BCHE: variants seen among roughly 807,000 people sequenced by gnomAD.
The protein encoded by BCHE is cholinesterase.
In BCHE, 48 loss-of-function variants were observed where a neutral mutation model predicts 51.3. The ratio of observed to expected loss-of-function variants is 0.94; its 90% CI spans 0.74 to 1.19. The LOEUF is 1.19. BCHE is among the 50% of genes most tolerant of loss of function. The pLI is 0.00. For missense variants in BCHE, 847 were observed against 708.2 expected (o/e 1.20, Z -2.23); for synonymous variants, 251 against 238.0 (o/e 1.05, Z -0.50).
chr3:165,830,703 T>C lies in BCHE; in HGVS notation c.331A>G (p.Asn111Asp). ...TCTTCACTGAGGTCAGTGTTTGGGT[T>C]CCACATCTCTGATCCATGGAAGCCT... ...FPGFHGSEMW[N>D]PNTDLSEDCL... The change falls in exon 2 of 4, where the codon AAC becomes GAC. Residue 111 changes from asparagine to aspartate, a missense_variant. Physicochemically the swap from Asn to Asp is conservative, Grantham distance 23. Transcript: ENST00000264381. The C allele has an allele frequency of 6.2e-7, 1 of 1,614,050 alleles. No individual in the cohort carries two copies. The highest frequency in any genetic ancestry group is 8.5e-7 in the Non-Finnish European group (1 of 1,179,962).
intron 2 of BCHE, among the ~76,000 whole-genome samples, chr3:165,806,660 A>G (rs1024533287): frequency 2.6e-5 from 4 of 152,298 alleles, no homozygotes; most frequent in African/African-American, 9.6e-5. Flanking sequence ...ATCATCATTT[A>G]CATTCATAAT....
At chr3:165,810,949 C>A (rs73028226) in intron 2 of BCHE, among the ~76,000 whole-genome samples, 3,705 of 152,094 alleles carry the variant, frequency 0.024, 158 homozygotes, top group African/African-American at 0.085. Context: ...AACTAAAATA[C>A]GTAGTGGAGT....
chr3:165,781,748 A>C (rs1712712151), intron 3 of BCHE, among the ~76,000 whole-genome samples: 1 of 152,194 alleles, frequency 6.6e-6, no homozygotes, highest in Non-Finnish European at 1.5e-5. Flanking sequence ...CGCAGCACTT[A>C]AAGTAAAATA....
rs865783912 is a variant in BCHE, at chr3:165,772,966, C to G, written c.*416G>C. 1 of 152,890 alleles carries G rather than the reference C, an allele frequency of 6.5e-6. No individual in the cohort carries two copies. The highest frequency in any genetic ancestry group is 2.4e-5 in the African/African-American group (1 of 41,356). The allele number at this position is 152,890 out of a possible 1,614,324, so 9.5% of individuals were successfully genotyped here. A position where few individuals can be genotyped will look rare whatever the true frequency, so the allele number is the denominator to read the frequency against. ...TTCAATTCTTATTTTAATTAGGAAACATAATATTGTAAACTATGGTGTACA... is the reference window on the plus strand; with the variant it reads ...TTCAATTCTTATTTTAATTAGGAAAGATAATATTGTAAACTATGGTGTACA... On this transcript the variant is annotated 3_prime_UTR_variant, in exon 4 of 4. Transcript: ENST00000264381.
At chr3:165,786,701 A>T (rs565004326) in intron 2 of BCHE, among the ~76,000 whole-genome samples, 5 of 151,772 alleles carry the variant, frequency 3.3e-5, no homozygotes, top group Admixed American at 3.3e-4. Flanking sequence ...CATATCACTT[A>T]CTCATCTTTT....
intron 2 of BCHE, among the ~76,000 whole-genome samples, chr3:165,806,138 TA>T (rs201672026): frequency 9.4e-5 from 14 of 148,174 alleles, no homozygotes; most frequent in South Asian, 4.3e-4. Flanking sequence ...CCCCTCACAT[TA>T]AAAAAAAAAG....
At chr3:165,788,796 C>T (rs1027376416) in intron 2 of BCHE, among the ~76,000 whole-genome samples, 1 of 152,008 alleles carries the variant, frequency 6.6e-6, no homozygotes, top group African/African-American at 2.4e-5. Flanking sequence ...CAAACTTTGT[C>T]CTATGAAATA....
Position 165,806,913 on chromosome 3 carries a change from T to G in BCHE, c.1518-20602A>C, listed in dbSNP as rs562988650. Among the ~76,000 whole-genome samples the G allele has an allele frequency of 2.6e-5, 4 of 152,156 alleles. No individual in the cohort carries two copies. In the East Asian group the frequency reaches 7.7e-4, roughly 29 times the overall value. On this transcript the variant is annotated intron_variant, in intron 2 of 3. Transcript: ENST00000264381. ...GCATGACCAGAACACTATAATCTTA[T>G]AGAAACAATTATAAATCATGACACC... is the stretch of plus-strand genomic sequence containing the variant.
intron 2 of BCHE, among the ~76,000 whole-genome samples, chr3:165,789,891 T>C (rs1164814790): frequency 1.3e-5 from 2 of 152,170 alleles, no homozygotes; most frequent in Admixed American, 1.3e-4. Context: ...GGTAAGAGAT[T>C]CAACAAATAC....
At chr3:165,831,529 T>A (rs950554444) in intron 1 of BCHE, among the ~76,000 whole-genome samples, 2 of 152,208 alleles carry the variant, frequency 1.3e-5, no homozygotes, top group African/African-American at 4.8e-5. Flanking sequence ...GATCAATAGA[T>A]TGTCATTATT....
At chr3:165,782,232 T>A (rs1712734929) in intron 3 of BCHE, among the ~76,000 whole-genome samples, 1 of 152,120 alleles carries the variant, frequency 6.6e-6, no homozygotes, top group Non-Finnish European at 1.5e-5. Context: ...CTCAGTAATA[T>A]GAATGATTTT....
rs962126690 is a variant in BCHE, at chr3:165,830,357, C to A, written c.677G>T (p.Ser226Ile). The A allele has an allele frequency of 1.2e-6, 2 of 1,613,884 alleles. No individual in the cohort carries two copies. The highest frequency in any genetic ancestry group is 1.7e-5 in the Admixed American group (1 of 59,952). Reference sequence around the variant, plus strand: ...CAGGCTAACTGAAGCTGCTCCTGCACTTTCTCCAAAGAGAGTTACACTTTT... The same window carrying A: ...CAGGCTAACTGAAGCTGCTCCTGCAATTTCTCCAAAGAGAGTTACACTTTT... ...NPKSVTLFGE[S>I]AGAASVSLHL... Residue 226 changes from serine to isoleucine, a missense_variant, in exon 2 of 4, where the codon AGT (serine) becomes ATT (isoleucine). Ser to Ile is a moderately radical substitution (Grantham distance 142). Coordinates refer to ENST00000264381, the MANE Select transcript of BCHE (RefSeq NM_000055.4).
intron 2 of BCHE, among the ~76,000 whole-genome samples, chr3:165,792,174 C>T (rs994704243): frequency 6.6e-5 from 10 of 151,908 alleles, no homozygotes; most frequent in Non-Finnish European, 4.4e-5. Context: ...ATGTGACACA[C>T]ATTCCATGAT....
At chr3:165,820,337 A>G (rs1272672489) in intron 2 of BCHE, among the ~76,000 whole-genome samples, 1 of 152,050 alleles carries the variant, frequency 6.6e-6, no homozygotes, top group Non-Finnish European at 1.5e-5. Context: ...TTTCAAATAC[A>G]TTACACTAAT....
At chr3:165,773,826 A>G (rs1712351744) in intron 3 of BCHE, among the ~76,000 whole-genome samples, 2 of 152,138 alleles carry the variant, frequency 1.3e-5, no homozygotes, top group South Asian at 4.1e-4. Flanking sequence ...GGATATGTAG[A>G]TATTATGCTC....
At chr3:165,794,565 G>A (rs950418282) in intron 2 of BCHE, among the ~76,000 whole-genome samples, 1 of 152,160 alleles carries the variant, frequency 6.6e-6, no homozygotes, top group Non-Finnish European at 1.5e-5. Flanking sequence ...GTAGAAGGGA[G>A]AAGGGAGCTA....
At chr3:165,813,948 C>T (rs1331524580) in intron 2 of BCHE, among the ~76,000 whole-genome samples, 2 of 152,000 alleles carry the variant, frequency 1.3e-5, no homozygotes, top group African/African-American at 2.4e-5. Context: ...GAATATCTGA[C>T]GCCAAAGTTG....
intron 2 of BCHE, among the ~76,000 whole-genome samples, chr3:165,813,534 A>C (rs1311164390): frequency 6.6e-6 from 1 of 151,810 alleles, no homozygotes; most frequent in Non-Finnish European, 1.5e-5. Flanking sequence ...AATCTCATTG[A>C]AAAGTTTATT....
At chr3:165,834,780 C>CT (rs879708838) in intron 1 of BCHE, among the ~76,000 whole-genome samples, 1 of 151,312 alleles carries the variant, frequency 6.6e-6, no homozygotes, top group Admixed American at 6.6e-5. Context: ...TATCGTTTTT[C>CT]TTTTTTTTAA....
Sources: allele counts gnomAD v4.1 joint callset (sites outside exome capture counted in the v4.1 genomes callset), GRCh38; gene constraint gnomAD v4.1.1; transcripts MANE v1.5; gene names NCBI Gene and HGNC (gene_info 2026-07-23, HGNC 2026-07-21).